MLH3: variants seen among roughly 807,000 people sequenced by gnomAD.
MLH3 encodes the protein mutL homolog 3.
MLH3 carries 82 observed loss-of-function variants against 122.2 expected under a neutral mutation model. The observed-to-expected ratio is 0.67, with a 90% confidence interval of 0.56 to 0.81. The LOEUF is 0.81. MLH3 is among the 30% of genes least tolerant of loss of function. The probability of loss-of-function intolerance (pLI) is 0.00; values close to 1 mark genes in which losing one functional copy is unlikely to be tolerated. For missense variants in MLH3, 1,539 were observed against 1,714.5 expected, an observed-to-expected ratio of 0.90 and a Z score of 1.81; for synonymous variants, 524 against 599.5, an observed-to-expected ratio of 0.87 and a Z score of 1.84.
chr14:75,049,457 C>T lies in MLH3; in HGVS notation c.199G>A (p.Glu67Lys), dbSNP rs781749227. Reference sequence around the variant, plus strand: ...GTGAAATAACGATTTCCCACTTTCTCTACATCATCACTCCCCATCCCAAAT... The same window carrying T: ...GTGAAATAACGATTTCCCACTTTCTTTACATCATCACTCCCCATCCCAAAT... Reference protein sequence around the residue: ...NGFGMGSDDVEKVGNRYFTSK... With the variant: ...NGFGMGSDDVKKVGNRYFTSK... Residue 67 changes from glutamate to lysine, a missense_variant, in exon 2 of 13, where the codon GAG (glutamate) becomes AAG (lysine). Coordinates refer to ENST00000355774, the MANE Select transcript of MLH3 (RefSeq NM_001040108.2). The T allele has an allele frequency of 6.2e-7, 1 of 1,614,160 alleles. No individual in the cohort carries two copies. The highest frequency in any genetic ancestry group is 8.5e-7 in the Non-Finnish European group (1 of 1,180,038).
At chr14:75,025,217 G>A (rs748793548) in intron 9 of MLH3, among the ~76,000 whole-genome samples, 1 of 152,098 alleles carries the variant, frequency 6.6e-6, no homozygotes. Context: ...CTCTTCTTCT[G>A]TGTGTAGCCA....
chr14:75,030,850 G>T (rs2139391231), intron 8 of MLH3, 148 bp from the exon 9 acceptor site: 1 of 678,156 alleles, frequency 1.5e-6, no homozygotes, highest in African/African-American at 1.8e-5. Flanking sequence ...ATGTGTGGGT[G>T]TTTGGGATTT....
chr14:75,033,446 G>C lies in MLH3; in HGVS notation c.3688C>G (p.Arg1230Gly). The C allele has an allele frequency of 6.2e-7, 1 of 1,614,036 alleles. No homozygotes were observed. The highest frequency in any genetic ancestry group is 8.5e-7 in the Non-Finnish European group (1 of 1,179,988). Residue 1230 changes from arginine to glycine, a missense_variant, in exon 7 of 13, where the codon CGT (arginine) becomes GGT (glycine). Coordinates refer to ENST00000355774, the MANE Select transcript of MLH3 (RefSeq NM_001040108.2). ...VLVDQHAAHE[R>G]IRLEQLIIDS... is the part of the protein sequence containing the mutation. Reference sequence around the variant, plus strand: ...ATGATAAGCTGCTCCAGACGTATACGCTCATGGGCAGCGTGCTGATCCACC... The same window carrying C: ...ATGATAAGCTGCTCCAGACGTATACCCTCATGGGCAGCGTGCTGATCCACC...
chr14:75,048,675 CAG>C lies in MLH3; in HGVS notation c.979_980del (p.Leu327AspfsTer2), dbSNP rs1483852500. The C allele has an allele frequency of 1.9e-6, 3 of 1,614,148 alleles. No individual in the cohort carries two copies. Among genetic ancestry groups the C allele is most frequent in the African/African-American group, 2.7e-5 (2 of 75,038 alleles). On this transcript the variant is annotated frameshift_variant, in exon 2 of 13. Coordinates refer to ENST00000355774, the MANE Select transcript of MLH3 (RefSeq NM_001040108.2). LOFTEE classifies it high-confidence loss of function. ...GAGTGTCCCAGTTCTGAAATTCAAT[CAG>C]AGTTTTGGCTGGCTCCATGCACACA... ...YDVCMEPAKT[L>X]IEFQNWDTLL...
At chr14:75,038,464 CTT>C in intron 5 of MLH3, 52 bp from the exon 6 acceptor site, 1 of 1,135,300 alleles carries the variant, frequency 8.8e-7, no homozygotes, top group South Asian at 1.2e-5. Flanking sequence ...TTAACAAAGG[CTT>C]ATTTGCATAG....
intron 9 of MLH3, among the ~76,000 whole-genome samples, chr14:75,026,068 A>G (rs538174175): frequency 6.6e-6 from 1 of 152,270 alleles, no homozygotes; most frequent in African/African-American, 2.4e-5. Context: ...AACCACTGCA[A>G]TAACCCGTCA....
At position 75,022,952 on chromosome 14, in the gene MLH3, GT is replaced by G. The variant is rs758463010; in HGVS notation, c.4011+42del. The stretch of plus-strand genomic sequence containing the variant: ...AACGGAACAACGAAGCCTTTTATGT[GT>G]GGTGCTTCTGTGTGAAACCCCAAAA... On this transcript the variant is annotated intron_variant, in intron 10 of 12. Transcript: ENST00000355774. 7 of 1,613,684 alleles carry G rather than the reference GT, an allele frequency of 4.3e-6. No homozygotes were observed. The East Asian group carries it at 6.7e-5, about 15-fold the overall frequency.
intron 11 of MLH3, chr14:75,019,202 G>C (rs925336162): frequency 7.9e-6 from 4 of 503,974 alleles, no homozygotes; most frequent in Non-Finnish European, 1.4e-5. Flanking sequence ...ATGAGGTCAG[G>C]AGTTCAAGAC....
chr14:75,038,238 C>T, intron 6 of MLH3, 102 bp downstream of exon 6: 1 of 841,148 alleles, frequency 1.2e-6, no homozygotes, highest in East Asian at 2.6e-5. Flanking sequence ...TTCCCTAATC[C>T]ATCCAAATCA....
chr14:75,013,879 G>A lies in MLH3; in HGVS notation c.*3203C>T. The A allele has an allele frequency of 4.6e-6, 1 of 215,920 alleles. No homozygotes were observed. The highest frequency in any genetic ancestry group is 9.3e-6 in the Non-Finnish European group (1 of 107,014). The allele number at this position is 215,920 out of a possible 1,614,324, so 13.4% of individuals were successfully genotyped here. On this transcript the variant is annotated 3_prime_UTR_variant, in exon 13 of 13. Transcript: ENST00000355774. ...CCCACCTTTTTGCCATCTCACCGTT[G>A]ATGAGCAGCTTCAGCTTAGAGGGTA...
intron 3 of MLH3, 95 bp from the exon 4 acceptor site, chr14:75,041,795 A>G: frequency 1.2e-6 from 1 of 827,710 alleles, no homozygotes; most frequent in Admixed American, 1.8e-5. Flanking sequence ...CCTCAAGACC[A>G]AAGGTCACGT....
In MLH3 at chr14:75,016,358, T is replaced by C. The variant is rs1289937005; in HGVS notation, c.*724A>G. 5.2e-6 allele frequency: 1 copy of C among 194,012 alleles called. No homozygotes were observed. The highest frequency in any genetic ancestry group is 1.1e-5 in the Non-Finnish European group (1 of 93,274). 12.0% of individuals were successfully genotyped at this position (194,012 alleles called of 1,614,324 possible). A position where few individuals can be genotyped will look rare whatever the true frequency, so the allele number is the denominator to read the frequency against. ...AATCATATTTTAAAAAACAAGCTCA[T>C]AGTATTTTCACCATTTTACTGGTTT... is the stretch of plus-strand genomic sequence containing the variant. On this transcript the variant is annotated 3_prime_UTR_variant, in exon 13 of 13. Coordinates refer to ENST00000355774, the MANE Select transcript of MLH3 (RefSeq NM_001040108.2).
chr14:75,043,876 G>A (rs1892037866), intron 2 of MLH3, among the ~76,000 whole-genome samples: 1 of 152,146 alleles, frequency 6.6e-6, no homozygotes, highest in Non-Finnish European at 1.5e-5. Flanking sequence ...GATCACCTGA[G>A]GTTGGGAGTT....
Position 75,014,150 on chromosome 14 carries a change from T to C in MLH3, c.*2932A>G, listed in dbSNP as rs1889782174. 3 of 174,098 alleles carry C rather than the reference T, an allele frequency of 1.7e-5. No individual in the cohort carries two copies. The East Asian group carries it at 3.1e-4, about 18-fold the overall frequency. 10.8% of individuals were successfully genotyped at this position (174,098 alleles called of 1,614,324 possible). A position where few individuals can be genotyped will look rare whatever the true frequency, so the allele number is the denominator to read the frequency against. On this transcript the variant is annotated 3_prime_UTR_variant, in exon 13 of 13. Coordinates refer to ENST00000355774, the MANE Select transcript of MLH3 (RefSeq NM_001040108.2). ...CTGCTGAGCTGCATCTGTCCTTACT[T>C]GGCGTGGCTTCCTCAGCCCCCTCCA...
intron 1 of MLH3, 39 bp from the exon 2 acceptor site, chr14:75,049,757 C>A: frequency 1.7e-6 from 2 of 1,153,078 alleles, no homozygotes. Context: ...ATAATCAAAG[C>A]TTTAGCATTA....
chr14:75,049,690 G>A lies in MLH3; in HGVS notation c.-35C>T, dbSNP rs1295617689. On this transcript the variant is annotated 5_prime_UTR_variant, in exon 2 of 13. Coordinates refer to ENST00000355774, the MANE Select transcript of MLH3 (RefSeq NM_001040108.2). ...AAAGATGGTGAGAATGCCAGGCACT[G>A]GTTTCCTTCTCTGACTGGAAATAAT... 1 of 1,600,984 alleles carries A rather than the reference G, an allele frequency of 6.2e-7. No individual in the cohort carries two copies. The highest frequency in any genetic ancestry group is 1.1e-5 in the South Asian group (1 of 89,708).
rs77514025 is a variant in MLH3 at position 75,013,942 on chromosome 14, G to C, written c.*3140C>G. The C allele has an allele frequency of 7.9e-5, 15 of 190,778 alleles. No individual in the cohort carries two copies. Among genetic ancestry groups the C allele is most frequent in the Non-Finnish European group, 2.2e-5 (2 of 91,012 alleles). 11.8% of individuals were successfully genotyped at this position (190,778 alleles called of 1,614,324 possible). On this transcript the variant is annotated 3_prime_UTR_variant, in exon 13 of 13. Coordinates refer to ENST00000355774, the MANE Select transcript of MLH3 (RefSeq NM_001040108.2). ...ATCGCGACTGGCCAGCATACTGGCC[G>C]GTTCTCTCTGTTAGCAGACTTTTGC...
In MLH3 at chr14:75,017,204, A is replaced by G. The variant is rs1253395004; in HGVS notation, c.4243-3T>C. ...AGTTTAGTGAGGTTGGGTTTAATCT[A>G]TGGGAAGAAAGAATAACTTCAATTA... On this transcript the variant is annotated splice_region_variant and splice_polypyrimidine_tract_variant and intron_variant, in intron 12 of 12. Transcript: ENST00000355774. 1 of 1,613,418 alleles carries G rather than the reference A, an allele frequency of 6.2e-7. No individual in the cohort carries two copies. Among genetic ancestry groups the G allele is most frequent in the Non-Finnish European group, 8.5e-7 (1 of 1,179,562 alleles).
In MLH3 at chr14:75,033,445, C is replaced by T. The variant is rs781739661; in HGVS notation, c.3689G>A (p.Arg1230His). Residue 1230 changes from arginine to histidine, a missense_variant, in exon 7 of 13, where the codon CGT becomes CAT. Arg to His is a conservative substitution (Grantham distance 29, BLOSUM62 0). Transcript: ENST00000355774. ...VLVDQHAAHE[R>H]IRLEQLIIDS... ...AATGATAAGCTGCTCCAGACGTATA[C>T]GCTCATGGGCAGCGTGCTGATCCAC... 1.7e-5 allele frequency: 27 copies of T among 1,614,002 alleles called. No individual in the cohort carries two copies. The highest frequency in any genetic ancestry group is 1.1e-4 in the East Asian group (5 of 44,902).
Sources: gnomAD v4.1 joint callset for allele counts (sites outside exome capture counted in the v4.1 genomes callset) on GRCh38, gnomAD v4.1.1 for gene constraint, MANE v1.5 for transcripts, NCBI Gene and HGNC (gene_info 2026-07-23, HGNC 2026-07-21) for gene names.